ARHGAP15: variants seen among roughly 807,000 people sequenced by gnomAD.
The protein encoded by ARHGAP15 is Rho GTPase activating protein 15.
A neutral mutation model predicts 63.7 loss-of-function variants in ARHGAP15; 51 were observed. That is an observed-to-expected ratio of 0.80 (90% confidence interval 0.64 to 1.01). The LOEUF is 1.01. ARHGAP15 is among the 50% of genes least tolerant of loss of function. The pLI, the probability that ARHGAP15 is intolerant of heterozygous loss-of-function variation, is 0.00. For synonymous variants in ARHGAP15, 191 were observed against 193.8 expected (o/e 0.99, Z 0.12); for missense variants, 560 against 564.6 (o/e 0.99, Z 0.08).
intron 6 of ARHGAP15, among the ~76,000 whole-genome samples, chr2:143,326,182 G>A (rs1193339819): frequency 1.3e-5 from 2 of 152,174 alleles, no homozygotes; most frequent in Non-Finnish European, 2.9e-5. Flanking sequence ...TATGCTATGA[G>A]TGACCTACAT....
intron 8 of ARHGAP15, among the ~76,000 whole-genome samples, chr2:143,465,105 T>C (rs1005682609): frequency 6.6e-6 from 1 of 152,206 alleles, no homozygotes; most frequent in Non-Finnish European, 1.5e-5. Context: ...TGCTATTTTC[T>C]TTCCTTCTTC....
chr2:143,744,207 CA>C (rs1288245675), intron 13 of ARHGAP15, among the ~76,000 whole-genome samples: 2 of 152,136 alleles, frequency 1.3e-5, no homozygotes, highest in Non-Finnish European at 2.9e-5. Context: ...ACATGGGTGG[CA>C]AGGAATAATA....
intron 8 of ARHGAP15, among the ~76,000 whole-genome samples, chr2:143,438,094 T>G (rs1297530658): frequency 6.6e-6 from 1 of 152,158 alleles, no homozygotes; most frequent in Non-Finnish European, 1.5e-5. Flanking sequence ...TATAGTATTT[T>G]GGGGGAGTCT....
At chr2:143,391,143 C>T (rs1240822401) in intron 6 of ARHGAP15, among the ~76,000 whole-genome samples, 1 of 152,180 alleles carries the variant, frequency 6.6e-6, no homozygotes, top group African/African-American at 2.4e-5. Context: ...TTCTCTGAAT[C>T]AATACCCTGC....
chr2:143,374,187 A>C (rs977866248), intron 6 of ARHGAP15, among the ~76,000 whole-genome samples: 1 of 152,214 alleles, frequency 6.6e-6, no homozygotes, highest in South Asian at 2.1e-4. Flanking sequence ...TGGCTAAGAA[A>C]GAACAGATTT....
At chr2:143,761,849 CTTT>C (rs200618181) in intron 13 of ARHGAP15, among the ~76,000 whole-genome samples, 1 of 151,980 alleles carries the variant, frequency 6.6e-6, no homozygotes, top group South Asian at 2.1e-4. Flanking sequence ...CTCACATTTC[CTTT>C]TTTTAATGCT....
intron 11 of ARHGAP15, among the ~76,000 whole-genome samples, chr2:143,588,245 A>C (rs1322898377): frequency 6.6e-6 from 1 of 152,044 alleles, no homozygotes; most frequent in Non-Finnish European, 1.5e-5. Flanking sequence ...TGCTCTAAGT[A>C]CTTATGTATT....
intron 6 of ARHGAP15, among the ~76,000 whole-genome samples, chr2:143,393,563 C>A (rs1196328227): frequency 6.6e-6 from 1 of 151,846 alleles, no homozygotes. Context: ...GAAACCCCAT[C>A]TCTACTAAAA....
At chr2:143,362,643 C>G (rs1416109826) in intron 6 of ARHGAP15, among the ~76,000 whole-genome samples, 1 of 152,184 alleles carries the variant, frequency 6.6e-6, no homozygotes, top group Non-Finnish European at 1.5e-5. Context: ...ACTAACAAGA[C>G]TAAACAAGAA....
At chr2:143,531,137 T>TGC (rs1462308358) in intron 10 of ARHGAP15, among the ~76,000 whole-genome samples, 4 of 152,198 alleles carry the variant, frequency 2.6e-5, no homozygotes, top group African/African-American at 9.6e-5. Flanking sequence ...CGCATGTGTG[T>TGC]GTTCTGTTCT....
intron 6 of ARHGAP15, among the ~76,000 whole-genome samples, chr2:143,273,047 T>A (rs1453908775): frequency 8.3e-6 from 1 of 120,270 alleles, no homozygotes; most frequent in East Asian, 2.2e-4. Flanking sequence ...AGTTTATAAT[T>A]TCATTGTTCT....
intron 2 of ARHGAP15, among the ~76,000 whole-genome samples, chr2:143,179,856 C>T (rs984386451): frequency 1.0e-4 from 15 of 150,732 alleles, no homozygotes; most frequent in African/African-American, 2.9e-4. Context: ...TGCACCACTG[C>T]GCTCCAGCCT....
At chr2:143,481,699 G>A (rs1692087402) in intron 8 of ARHGAP15, among the ~76,000 whole-genome samples, 1 of 152,156 alleles carries the variant, frequency 6.6e-6, no homozygotes, top group South Asian at 2.1e-4. Context: ...CCCATTTACA[G>A]TAAGCATTCG....
At chr2:143,509,468 C>A (rs2104954967) in intron 9 of ARHGAP15, among the ~76,000 whole-genome samples, 1 of 152,238 alleles carries the variant, frequency 6.6e-6, no homozygotes, top group East Asian at 1.9e-4. Context: ...TAATCAAAGC[C>A]CCAAAGCATC....
intron 9 of ARHGAP15, among the ~76,000 whole-genome samples, chr2:143,494,609 C>A (rs759625088): frequency 1.3e-5 from 2 of 152,030 alleles, no homozygotes; most frequent in Non-Finnish European, 2.9e-5. Flanking sequence ...CATCTATGGT[C>A]CTTTTCTTTC....
At chr2:143,374,388 C>T (rs1040659853) in intron 6 of ARHGAP15, among the ~76,000 whole-genome samples, 1 of 152,118 alleles carries the variant, frequency 6.6e-6, no homozygotes, top group Non-Finnish European at 1.5e-5. Flanking sequence ...CCCACCCTGC[C>T]ATATCCTGCA....
chr2:143,701,325 T>G (rs1224814645), intron 12 of ARHGAP15, among the ~76,000 whole-genome samples: 1 of 152,196 alleles, frequency 6.6e-6, no homozygotes. Flanking sequence ...AGTTTATATA[T>G]CTATTGAATT....
At chr2:143,702,319 C>G (rs1455412005) in intron 12 of ARHGAP15, among the ~76,000 whole-genome samples, 1 of 152,000 alleles carries the variant, frequency 6.6e-6, no homozygotes, top group East Asian at 1.9e-4. Context: ...CATCTATAAA[C>G]AAAACAAAAT....
intron 12 of ARHGAP15, among the ~76,000 whole-genome samples, chr2:143,701,009 T>C (rs933133860): frequency 8.5e-4 from 129 of 152,236 alleles, no homozygotes; most frequent in Non-Finnish European, 1.5e-3. Context: ...TCTTTCTCGC[T>C]CCCCTTTGTT....
Sources: allele counts gnomAD v4.1 joint callset (sites outside exome capture counted in the v4.1 genomes callset), GRCh38; gene constraint gnomAD v4.1.1; transcripts MANE v1.5; gene names NCBI Gene and HGNC (gene_info 2026-07-23, HGNC 2026-07-21).